The following NDC80 variants were observed in gnomAD, a reference collection of about 807,000 sequenced individuals.
The protein encoded by NDC80 is NDC80 kinetochore complex component, also known as kinetochore protein NDC80 homolog.
In NDC80, 69 loss-of-function variants were observed where a neutral mutation model predicts 89.3. The observed-to-expected ratio is 0.77, with a 90% CI of 0.64 to 0.94. The LOEUF (loss-of-function observed/expected upper bound fraction) is 0.94. NDC80 is among the 40% of genes least tolerant of loss of function. NDC80 has a pLI of 0.00. For missense variants in NDC80, 593 were observed against 739.6 expected, an observed-to-expected ratio of 0.80 and a Z score of 2.30; for synonymous variants, 243 against 255.6, an observed-to-expected ratio of 0.95 and a Z score of 0.47.
At chr18:2,597,742 ATAAAGT>A (rs1467768879) in intron 11 of NDC80, among the ~76,000 whole-genome samples, 56 of 149,806 alleles carry the variant, frequency 3.7e-4, no homozygotes, top group African/African-American at 1.2e-3. Context: ...AAAAAAAAAA[ATAAAGT>A]TAAAGACAGT....
At chr18:2,592,434 C>G (rs1386365844) in intron 10 of NDC80, among the ~76,000 whole-genome samples, 1 of 151,294 alleles carries the variant, frequency 6.6e-6, no homozygotes, top group Non-Finnish European at 1.5e-5. Flanking sequence ...TGGCTCACTG[C>G]AACCCTCGCC....
At chr18:2,609,959 A>T (rs2143668953) in intron 15 of NDC80, among the ~76,000 whole-genome samples, 1 of 152,350 alleles carries the variant, frequency 6.6e-6, no homozygotes, top group Non-Finnish European at 1.5e-5. Flanking sequence ...AACACAACAG[A>T]ACTGCCTATA....
chr18:2,605,210 A>G (rs1230300815), intron 13 of NDC80, among the ~76,000 whole-genome samples: 2 of 150,548 alleles, frequency 1.3e-5, no homozygotes, highest in Admixed American at 1.3e-4. Context: ...GCTGAGTTTC[A>G]GGTCTCTGGG....
Position 2,578,932 on chromosome 18 carries a change from C to T in NDC80, c.482C>T (p.Pro161Leu), listed in dbSNP as rs1267332302. ...VPRIFKDLGY[P>L]FALSKSSMYT... ...GTTTTTCTGATTTCTCATAGGTATC[C>T]TTTTGCACTATCCAAAAGCTCCATG... is the stretch of plus-strand genomic sequence containing the variant. Residue 161 changes from proline (P) to leucine (L), a missense_variant, in exon 6 of 17, where the codon CCT becomes CTT. Transcript: ENST00000261597. The T allele has an allele frequency of 2.2e-5, 34 of 1,516,444 alleles. No individual in the cohort carries two copies. Among genetic ancestry groups the T allele is most frequent in the Non-Finnish European group, 3.0e-5 (34 of 1,131,934 alleles). The allele number at this position is 1,516,444 out of a possible 1,614,324, so 93.9% of individuals were successfully genotyped here. A position where few individuals can be genotyped will look rare whatever the true frequency, so the allele number is the denominator to read the frequency against.
At chr18:2,577,267 T>C (rs1317573616) in intron 3 of NDC80, 2 of 152,914 alleles carry the variant, frequency 1.3e-5, no homozygotes, top group Non-Finnish European at 2.9e-5. Flanking sequence ...CAGGCTGGAA[T>C]GCAGTGGCGC....
chr18:2,603,356 C>CATAT (rs60997707), intron 13 of NDC80, among the ~76,000 whole-genome samples: 1,631 of 120,752 alleles, frequency 0.014, 73 homozygotes, highest in Non-Finnish European at 0.017. Flanking sequence ...TATGTTTATA[C>CATAT]ATATATATAT....
intron 6 of NDC80, among the ~76,000 whole-genome samples, chr18:2,581,343 A>G (rs2072577053): frequency 1.3e-5 from 2 of 152,156 alleles, no homozygotes; most frequent in Non-Finnish European, 2.9e-5. Context: ...TAATTCACTC[A>G]TGTATCACAG....
At chr18:2,576,723 C>G (rs2072547917) in intron 3 of NDC80, among the ~76,000 whole-genome samples, 1 of 152,118 alleles carries the variant, frequency 6.6e-6, no homozygotes, top group African/African-American at 2.4e-5. Flanking sequence ...ATAAGTGACA[C>G]AAATGCGTTT....
chr18:2,608,884 A>G, intron 15 of NDC80, 54 bp downstream of exon 15: 1 of 1,543,580 alleles, frequency 6.5e-7, no homozygotes, highest in African/African-American at 1.4e-5. Flanking sequence ...TTAATTTAAC[A>G]GTTCCATAAA....
chr18:2,594,891 A>G (rs1253394416), intron 10 of NDC80: 3 of 152,184 alleles, frequency 2.0e-5, no homozygotes, highest in African/African-American at 7.2e-5. Context: ...CATTTTTTTC[A>G]CATTGTGAGT....
At chr18:2,595,670 T>A in intron 11 of NDC80, 49 bp downstream of exon 11, 1 of 1,519,726 alleles carries the variant, frequency 6.6e-7, no homozygotes, top group Non-Finnish European at 9.1e-7. Context: ...CTGACCTTTC[T>A]GAAGGTCTGT....
intron 15 of NDC80, 45 bp from the exon 16 acceptor site, chr18:2,610,714 T>G: frequency 7.4e-7 from 1 of 1,354,352 alleles, no homozygotes; most frequent in East Asian, 2.4e-5. Flanking sequence ...ACGGATGTAT[T>G]AATTTTTTTC....
intron 3 of NDC80, among the ~76,000 whole-genome samples, chr18:2,575,840 A>G (rs1182774216): frequency 1.3e-5 from 2 of 152,224 alleles, no homozygotes; most frequent in African/African-American, 4.8e-5. Flanking sequence ...CAGGAGGATC[A>G]GTTGAACCCA....
At chr18:2,573,507 C>T (rs1275900964) in intron 2 of NDC80, among the ~76,000 whole-genome samples, 1 of 152,152 alleles carries the variant, frequency 6.6e-6, no homozygotes, top group African/African-American at 2.4e-5. Context: ...TAGCAGCCTA[C>T]AAAACACCAC....
At chr18:2,588,251 A>G (rs1011021220) in intron 8 of NDC80, among the ~76,000 whole-genome samples, 1 of 152,186 alleles carries the variant, frequency 6.6e-6, no homozygotes, top group Non-Finnish European at 1.5e-5. Context: ...ATAGACAATA[A>G]TTAGCAAATG....
Position 2,595,411 on chromosome 18 carries a change from C to A in NDC80, c.1016-5C>A. On this transcript the variant is annotated splice_region_variant and splice_polypyrimidine_tract_variant and intron_variant, in intron 10 of 16. Coordinates refer to ENST00000261597, the MANE Select transcript of NDC80 (RefSeq NM_006101.3). ...CATTAAAAATTTGGTTTTTTTCCAACACAGAACTAGAATGTGAAACAATAA... is the reference window on the plus strand; with the variant it reads ...CATTAAAAATTTGGTTTTTTTCCAAAACAGAACTAGAATGTGAAACAATAA... The A allele has an allele frequency of 1.2e-6, 2 of 1,609,624 alleles. No individual in the cohort carries two copies. Among genetic ancestry groups the A allele is most frequent in the Non-Finnish European group, 1.7e-6 (2 of 1,177,976 alleles).
intron 6 of NDC80, chr18:2,579,244 T>C: frequency 2.7e-6 from 1 of 374,134 alleles, no homozygotes; most frequent in Non-Finnish European, 4.7e-6. Flanking sequence ...TATCATGAGG[T>C]TTTACAACTC....
intron 7 of NDC80, among the ~76,000 whole-genome samples, chr18:2,586,698 G>A (rs1233218693): frequency 6.6e-6 from 1 of 150,448 alleles, no homozygotes; most frequent in Non-Finnish European, 1.5e-5. Flanking sequence ...TCACTGTACT[G>A]CAGCCTGAGT....
chr18:2,615,857 C>T (rs376054185), intron 16 of NDC80, among the ~76,000 whole-genome samples: 2 of 151,690 alleles, frequency 1.3e-5, no homozygotes, highest in East Asian at 1.9e-4. Context: ...AGGTGAAAAC[C>T]AGGTACTATT....
Sources: allele counts gnomAD v4.1 joint callset (sites outside exome capture counted in the v4.1 genomes callset), GRCh38; gene constraint gnomAD v4.1.1; transcripts MANE v1.5; gene names NCBI Gene and HGNC (gene_info 2026-07-23, HGNC 2026-07-21).